Variants in PTGR3 observed in about 807,000 individuals in gnomAD.
The protein encoded by PTGR3 is zinc binding alcohol dehydrogenase domain containing 2.
At chr18:75,208,908 G>C in the PTGR3 span, 1 of 1,575,508 alleles carries the variant, frequency 6.3e-7, no homozygotes, top group Non-Finnish European at 8.6e-7. Flanking sequence ...TCCCGGCTCA[G>C]GGTGACGGCC....
chr18:75,208,822 G>A, the PTGR3 span: 1 of 1,449,720 alleles, frequency 6.9e-7, no homozygotes, highest in Non-Finnish European at 9.1e-7. Context: ...GAGAACGGGG[G>A]CGTGGGGTTG....
the PTGR3 span, chr18:75,205,072 C>A: frequency 1.3e-4 from 117 of 867,390 alleles, no homozygotes; most frequent in Non-Finnish European, 1.4e-4. Flanking sequence ...GCGCTGTCTC[C>A]TTGGTCTCCC....
At chr18:75,202,850 TTAAGA>T in the PTGR3 span, among the ~76,000 whole-genome samples, 2 of 152,296 alleles carry the variant, frequency 1.3e-5, no homozygotes, top group Non-Finnish European at 2.9e-5. Context: ...AATTTAACAC[TTAAGA>T]TAATAAGAGT....
At chr18:75,204,348 C>T in the PTGR3 span, among the ~76,000 whole-genome samples, 1 of 152,234 alleles carries the variant, frequency 6.6e-6, no homozygotes, top group Non-Finnish European at 1.5e-5. Flanking sequence ...CTGGGGAGCG[C>T]GCACACGCGC....
At chr18:75,207,113 C>T in the PTGR3 span, among the ~76,000 whole-genome samples, 3 of 152,362 alleles carry the variant, frequency 2.0e-5, no homozygotes, top group Non-Finnish European at 4.4e-5. Context: ...CAGCGCAGCC[C>T]GGCGGGAGCC....
At chr18:75,204,875 C>G in the PTGR3 span, among the ~76,000 whole-genome samples, 1 of 152,264 alleles carries the variant, frequency 6.6e-6, no homozygotes, top group African/African-American at 2.4e-5. Flanking sequence ...CTCGGCGCGC[C>G]GGAGCGCAGT....
chr18:75,207,255 T>C, the PTGR3 span, among the ~76,000 whole-genome samples: 1 of 152,200 alleles, frequency 6.6e-6, no homozygotes, highest in Non-Finnish European at 1.5e-5. Context: ...CAAAAGGAAT[T>C]TTATTCACAA....
chr18:75,202,759 T>C, the PTGR3 span, among the ~76,000 whole-genome samples: 1 of 151,728 alleles, frequency 6.6e-6, no homozygotes, highest in Admixed American at 6.6e-5. Flanking sequence ...TGGAAATTAA[T>C]TGGCCTCTTA....
the PTGR3 span, chr18:75,202,429 G>A: frequency 2.5e-5 from 30 of 1,223,324 alleles, no homozygotes; most frequent in East Asian, 5.5e-4. Context: ...TAGTTCTGGC[G>A]ACCCTGGAGG....
chr18:75,204,825 G>C, the PTGR3 span, among the ~76,000 whole-genome samples: 1 of 152,162 alleles, frequency 6.6e-6, no homozygotes, highest in South Asian at 2.1e-4. Context: ...CGGCCGCGCA[G>C]CTCCGCCTGG....
At chr18:75,204,512 G>C in the PTGR3 span, among the ~76,000 whole-genome samples, 1 of 152,232 alleles carries the variant, frequency 6.6e-6, no homozygotes, top group Non-Finnish European at 1.5e-5. Context: ...AAGGGCAAGC[G>C]CTGGAGCGGT....
chr18:75,198,984 T>C, the PTGR3 span: 1 of 152,620 alleles, frequency 6.6e-6, no homozygotes, highest in African/African-American at 2.4e-5. Flanking sequence ...TTACAAATCA[T>C]TTTTCAAAAG....
the PTGR3 span, chr18:75,201,387 C>T: frequency 3.2e-6 from 5 of 1,558,398 alleles, no homozygotes; most frequent in South Asian, 1.2e-5. Flanking sequence ...CATTTTCTTT[C>T]TCCCTTGATT....
chr18:75,208,715 G>C, the PTGR3 span: 1 of 962,062 alleles, frequency 1.0e-6, no homozygotes, highest in Non-Finnish European at 1.3e-6. Context: ...CCGGGATCTC[G>C]CAAACTCAGG....
the PTGR3 span, chr18:75,201,255 A>G: frequency 2.1e-6 from 1 of 478,628 alleles, no homozygotes; most frequent in Non-Finnish European, 3.6e-6. Flanking sequence ...CCAAGGGAAG[A>G]GGAGGAGGAG....
chr18:75,205,209 G>C, the PTGR3 span: 18 of 985,546 alleles, frequency 1.8e-5, no homozygotes, highest in East Asian at 1.7e-3. Flanking sequence ...GTGAGGGTCC[G>C]CAGCTCGCGC....
the PTGR3 span, chr18:75,199,406 G>A: frequency 6.6e-6 from 1 of 152,256 alleles, no homozygotes; most frequent in African/African-American, 2.4e-5. Context: ...ACATCTATCT[G>A]CATAAGAAGC....
chr18:75,203,836 T>C, the PTGR3 span, among the ~76,000 whole-genome samples: 3 of 152,182 alleles, frequency 2.0e-5, no homozygotes, highest in Non-Finnish European at 4.4e-5. Context: ...GGCCTGGCGT[T>C]TTAAAAAGGG....
chr18:75,208,566 G>T, the PTGR3 span: 4 of 1,025,080 alleles, frequency 3.9e-6, no homozygotes, highest in Non-Finnish European at 4.8e-6. Context: ...GGAGGGGGAG[G>T]AGGGAGGGCT....
Sources: gnomAD v4.1 joint callset for allele counts (sites outside exome capture counted in the v4.1 genomes callset) on GRCh38, gnomAD v4.1.1 for gene constraint, MANE v1.5 for transcripts, NCBI Gene and HGNC (gene_info 2026-07-23, HGNC 2026-07-21) for gene names.